RAB27B: variants seen among roughly 807,000 people sequenced by gnomAD.
The protein encoded by RAB27B is ras-related protein Rab-27B.
Under a neutral mutation model 24.6 loss-of-function variants are expected in RAB27B, and 15 were observed. The observed-to-expected ratio is 0.61, with a 90% confidence interval of 0.41 to 0.94. The LOEUF (loss-of-function observed/expected upper bound fraction) is 0.94. Ranked by LOEUF, RAB27B falls within the 40% of genes least tolerant of loss-of-function variation. The pLI is 0.00. For missense variants in RAB27B, 261 were observed against 266.8 expected (o/e 0.98, Z 0.15); for synonymous variants, 105 against 92.5 (o/e 1.14, Z -0.78).
At chr18:54,863,644 C>T (rs1478150108) in intron 1 of RAB27B, among the ~76,000 whole-genome samples, 1 of 152,144 alleles carries the variant, frequency 6.6e-6, no homozygotes, top group Non-Finnish European at 1.5e-5. Flanking sequence ...CCCACAGAAA[C>T]CCGTATACAT....
intron 2 of RAB27B, among the ~76,000 whole-genome samples, chr18:54,800,688 C>G (rs747814679): frequency 6.6e-6 from 1 of 152,074 alleles, no homozygotes; most frequent in African/African-American, 2.4e-5. Flanking sequence ...AGACTTTGTT[C>G]CTGCTTACCT....
At chr18:54,846,073 G>A (rs1446539160) in intron 1 of RAB27B, among the ~76,000 whole-genome samples, 3 of 152,090 alleles carry the variant, frequency 2.0e-5, no homozygotes, top group African/African-American at 7.2e-5. Flanking sequence ...GTCCTTTCGA[G>A]TGGTGGTTTC....
At chr18:54,819,607 AT>A (rs1438108646) in intron 2 of RAB27B, among the ~76,000 whole-genome samples, 1 of 149,960 alleles carries the variant, frequency 6.7e-6, no homozygotes, top group Admixed American at 6.6e-5. Context: ...TTTTTTATTT[AT>A]TTTTTATTTT....
intron 2 of RAB27B, chr18:54,745,261 G>T (rs1910200760): frequency 5.5e-6 from 1 of 182,806 alleles, no homozygotes; most frequent in Non-Finnish European, 1.2e-5. Flanking sequence ...TGACATGGTG[G>T]ATGCCAGCCT....
At chr18:54,849,774 T>A (rs1291488946) in intron 1 of RAB27B, among the ~76,000 whole-genome samples, 1 of 152,128 alleles carries the variant, frequency 6.6e-6, no homozygotes, top group Non-Finnish European at 1.5e-5. Flanking sequence ...AGAAATTATA[T>A]GATAAAATAG....
At chr18:54,815,167 T>A (rs1479059863) in intron 2 of RAB27B, among the ~76,000 whole-genome samples, 4 of 152,188 alleles carry the variant, frequency 2.6e-5, no homozygotes, top group Non-Finnish European at 5.9e-5. Flanking sequence ...CCTGGGGCAA[T>A]ATTTTTCTCA....
At chr18:54,747,561 A>T (rs1043148530) in intron 2 of RAB27B, among the ~76,000 whole-genome samples, 2 of 152,180 alleles carry the variant, frequency 1.3e-5, no homozygotes, top group African/African-American at 4.8e-5. Flanking sequence ...GAGTGTGAGA[A>T]GACTTTTAAA....
chr18:54,790,914 C>A (rs531336043), intron 2 of RAB27B, among the ~76,000 whole-genome samples: 1 of 152,256 alleles, frequency 6.6e-6, no homozygotes, highest in Non-Finnish European at 1.5e-5. Flanking sequence ...CTATTTATCA[C>A]GCTAGATTCA....
At chr18:54,736,787 G>A (rs893261082) in intron 2 of RAB27B, among the ~76,000 whole-genome samples, 2 of 152,088 alleles carry the variant, frequency 1.3e-5, no homozygotes, top group Non-Finnish European at 2.9e-5. Context: ...ATGTAGAAAA[G>A]CCCTGACAAA....
Position 54,889,441 on chromosome 18 carries a change from A to G in RAB27B, c.*28A>G. On this transcript the variant is annotated 3_prime_UTR_variant, in exon 6 of 6. Coordinates refer to ENST00000262094, the MANE Select transcript of RAB27B (RefSeq NM_004163.4). ...TCTACATAGAAACTGAACATCAAGA[A>G]CCCCACCAAAATATTACTTTTAAAA... 6.4e-7 allele frequency: 1 copy of G among 1,568,104 alleles called. No individual in the cohort carries two copies.
intron 1 of RAB27B, among the ~76,000 whole-genome samples, chr18:54,838,526 T>C (rs1437379823): frequency 6.6e-6 from 1 of 152,178 alleles, no homozygotes; most frequent in African/African-American, 2.4e-5. Flanking sequence ...CGAGAACATA[T>C]TGTATGCCTA....
At position 54,877,590 on chromosome 18, in the gene RAB27B, C is replaced by A. The variant is rs562881530; in HGVS notation, c.5C>A (p.Thr2Asn). 1 of 1,553,946 alleles carries A rather than the reference C, an allele frequency of 6.4e-7. No homozygotes were observed. The highest frequency in any genetic ancestry group is 8.6e-7 in the Non-Finnish European group (1 of 1,160,122). Residue 2 changes from threonine (T) to asparagine (N), a missense_variant, in exon 2 of 6, where the codon ACC becomes AAC. By Grantham distance (65) the Thr-to-Asn change is moderately conservative. Coordinates refer to ENST00000262094, the MANE Select transcript of RAB27B (RefSeq NM_004163.4). ...AGACCGACCAAGACCATCACTATGA[C>A]CGATGGAGACTATGATTATCTGATC... M[T>N]DGDYDYLIKL...
intron 2 of RAB27B, among the ~76,000 whole-genome samples, chr18:54,740,031 T>C (rs938091222): frequency 6.6e-6 from 1 of 152,242 alleles, no homozygotes; most frequent in Non-Finnish European, 1.5e-5. Flanking sequence ...TCTTCTCTCA[T>C]TCTGCAGCTT....
intron 2 of RAB27B, among the ~76,000 whole-genome samples, chr18:54,744,164 G>A (rs970223799): frequency 2.6e-5 from 4 of 152,112 alleles, no homozygotes; most frequent in African/African-American, 7.2e-5. Context: ...ATGGCTACTT[G>A]TATATCTCCT....
chr18:54,788,404 G>C (rs1245284795), intron 2 of RAB27B, among the ~76,000 whole-genome samples: 1 of 152,204 alleles, frequency 6.6e-6, no homozygotes, highest in African/African-American at 2.4e-5. Context: ...CTGGGTTCAA[G>C]TGATTCCTCT....
intron 3 of RAB27B, among the ~76,000 whole-genome samples, chr18:54,882,303 G>A (rs995889730): frequency 6.6e-6 from 1 of 152,000 alleles, no homozygotes; most frequent in Non-Finnish European, 1.5e-5. Flanking sequence ...TCTTTCACTT[G>A]CACTGTTTAA....
intron 1 of RAB27B, among the ~76,000 whole-genome samples, chr18:54,867,329 C>T (rs1474653557): frequency 6.6e-6 from 1 of 152,086 alleles, no homozygotes; most frequent in Non-Finnish European, 1.5e-5. Flanking sequence ...GTGCTATTCC[C>T]ATTGCAGAGT....
intron 2 of RAB27B, among the ~76,000 whole-genome samples, chr18:54,739,950 G>A (rs1195918514): frequency 1.3e-5 from 2 of 152,158 alleles, no homozygotes; most frequent in Non-Finnish European, 2.9e-5. Flanking sequence ...ATTTGCCCAT[G>A]TAGATGTGTA....
At chr18:54,858,113 A>T (rs1472569908) in intron 1 of RAB27B, among the ~76,000 whole-genome samples, 5 of 152,202 alleles carry the variant, frequency 3.3e-5, no homozygotes, top group African/African-American at 1.2e-4. Flanking sequence ...AATATGAACT[A>T]GTTGATTAAC....
Sources: gnomAD v4.1 joint callset for allele counts (sites outside exome capture counted in the v4.1 genomes callset) on GRCh38, gnomAD v4.1.1 for gene constraint, MANE v1.5 for transcripts, NCBI Gene and HGNC (gene_info 2026-07-23, HGNC 2026-07-21) for gene names.